The following TLE4 variants were observed in gnomAD, a reference collection of about 807,000 sequenced individuals.
The protein encoded by TLE4 is transducin-like enhancer protein 4.
A neutral mutation model predicts 92.8 loss-of-function variants in TLE4; 8 were observed. The observed-to-expected ratio is 0.09, with a 90% CI of 0.05 to 0.16. TLE4 has a LOEUF of 0.16. TLE4 is among the 10% of genes least tolerant of loss of function. The pLI is 1.00. For missense variants in TLE4, 675 were observed against 997.6 expected (o/e 0.68, Z 4.36); for synonymous variants, 371 against 374.1 (o/e 0.99, Z 0.10).
At chr9:79,673,933 G>A (rs565145467) in intron 8 of TLE4, among the ~76,000 whole-genome samples, 118 of 152,148 alleles carry the variant, frequency 7.8e-4, no homozygotes, top group African/African-American at 2.5e-3. Flanking sequence ...TTGTAGGGCC[G>A]TTCTGCTTAA....
chr9:79,677,670 T>C (rs1274834103), intron 8 of TLE4, among the ~76,000 whole-genome samples: 1 of 151,630 alleles, frequency 6.6e-6, no homozygotes, highest in Admixed American at 6.6e-5. Flanking sequence ...TGAGATGGAT[T>C]CAATTTTTTT....
intron 8 of TLE4, among the ~76,000 whole-genome samples, chr9:79,685,527 T>C (rs1351305062): frequency 6.6e-6 from 1 of 152,182 alleles, no homozygotes; most frequent in Non-Finnish European, 1.5e-5. Context: ...TCTTTGAAAG[T>C]GATTGTAGTA....
chr9:79,609,624 A>T (rs945770827), intron 4 of TLE4, among the ~76,000 whole-genome samples: 2 of 152,064 alleles, frequency 1.3e-5, no homozygotes, highest in Non-Finnish European at 2.9e-5. Flanking sequence ...TCTTTTTGTT[A>T]CATTTTGACA....
At chr9:79,625,945 A>C (rs375175963) in intron 5 of TLE4, among the ~76,000 whole-genome samples, 1 of 151,174 alleles carries the variant, frequency 6.6e-6, no homozygotes, top group Admixed American at 6.6e-5. Context: ...TCCTGCTTTG[A>C]AAATGGAATG....
intron 8 of TLE4, chr9:79,668,689 A>T (rs2061787772): frequency 3.4e-6 from 1 of 295,244 alleles, no homozygotes; most frequent in African/African-American, 2.3e-5. Flanking sequence ...GATGACAGGC[A>T]TGACGTTGAG....
intron 8 of TLE4, among the ~76,000 whole-genome samples, chr9:79,693,918 T>G (rs768321329): frequency 9.8e-5 from 15 of 152,356 alleles, no homozygotes; most frequent in Middle Eastern, 3.4e-3. Flanking sequence ...ACCACTTAGC[T>G]TGATGCCAAA....
chr9:79,607,737 T>C (rs1012138162), intron 4 of TLE4, among the ~76,000 whole-genome samples: 3 of 152,054 alleles, frequency 2.0e-5, no homozygotes, highest in Non-Finnish European at 4.4e-5. Context: ...TTGGTCTATA[T>C]CTCTGTTTTG....
intron 8 of TLE4, chr9:79,671,164 A>T (rs1041074242): frequency 4.6e-6 from 2 of 434,548 alleles, no homozygotes; most frequent in African/African-American, 4.0e-5. Flanking sequence ...GTGTTTAGGG[A>T]TAGTTCAACC....
Position 79,705,872 on chromosome 9 carries a change from C to A in TLE4, c.730-17C>A. On this transcript the variant is annotated splice_polypyrimidine_tract_variant and intron_variant, in intron 9 of 19. Transcript: ENST00000376552. Reference sequence around the variant, plus strand: ...TTTGTGAGGGGAGAAGATAATGCTTCTCACTTGTCAATGCAGGACAGCGAT... The same window carrying A: ...TTTGTGAGGGGAGAAGATAATGCTTATCACTTGTCAATGCAGGACAGCGAT... The A allele has an allele frequency of 6.2e-7, 1 of 1,613,948 alleles. No individual in the cohort carries two copies. Among genetic ancestry groups the A allele is most frequent in the Non-Finnish European group, 8.5e-7 (1 of 1,179,858 alleles).
intron 4 of TLE4, among the ~76,000 whole-genome samples, chr9:79,609,647 C>G (rs2047917710): frequency 6.6e-6 from 1 of 151,912 alleles, no homozygotes; most frequent in South Asian, 2.1e-4. Context: ...AACAATTGTC[C>G]TTTTATTGGG....
chr9:79,649,989 C>T, intron 6 of TLE4: 1 of 776,354 alleles, frequency 1.3e-6, no homozygotes. Flanking sequence ...AATCATGGCT[C>T]ACTGCAGCCA....
At chr9:79,616,189 G>C (rs552119727) in intron 5 of TLE4, among the ~76,000 whole-genome samples, 2 of 152,256 alleles carry the variant, frequency 1.3e-5, no homozygotes, top group South Asian at 2.1e-4. Context: ...ATAAACAAGA[G>C]ATGCCAGGAT....
intron 8 of TLE4, among the ~76,000 whole-genome samples, chr9:79,688,252 A>C (rs2066309165): frequency 6.6e-6 from 1 of 152,046 alleles, no homozygotes; most frequent in African/African-American, 2.4e-5. Context: ...AAGACTGAAA[A>C]CCCACTATCT....
At chr9:79,633,544 G>T (rs1214860244) in intron 6 of TLE4, among the ~76,000 whole-genome samples, 1 of 152,102 alleles carries the variant, frequency 6.6e-6, no homozygotes, top group Non-Finnish European at 1.5e-5. Context: ...CCACTGAGAA[G>T]AAAGTAGTTC....
chr9:79,654,050 T>G lies in TLE4; in HGVS notation c.593-9T>G, dbSNP rs1302111005. ...TTATCTGCTTGTGTTGCTGCTGTTTTGCATATAGACAGAGACTCCATCAAG... is the reference window on the plus strand; with the variant it reads ...TTATCTGCTTGTGTTGCTGCTGTTTGGCATATAGACAGAGACTCCATCAAG... On this transcript the variant is annotated splice_polypyrimidine_tract_variant and intron_variant, in intron 7 of 19. Transcript: ENST00000376552. The G allele has an allele frequency of 2.5e-6, 4 of 1,613,820 alleles. No homozygotes were observed. The highest frequency in any genetic ancestry group is 3.4e-6 in the Non-Finnish European group (4 of 1,179,828).
chr9:79,600,351 T>C (rs1430577570), intron 4 of TLE4, among the ~76,000 whole-genome samples: 1 of 152,118 alleles, frequency 6.6e-6, no homozygotes. Context: ...TTTCAGTTTG[T>C]GGTTGGGGAC....
At chr9:79,639,375 A>G (rs559604153) in intron 6 of TLE4, among the ~76,000 whole-genome samples, 1 of 152,324 alleles carries the variant, frequency 6.6e-6, no homozygotes, top group East Asian at 1.9e-4. Context: ...CATATATGAC[A>G]ATGGTCCCAT....
At chr9:79,708,003 C>T (rs1318648138) in intron 11 of TLE4, 115 bp from the exon 12 acceptor site, 1 of 1,111,010 alleles carries the variant, frequency 9.0e-7, no homozygotes, top group Admixed American at 2.4e-5. Flanking sequence ...AAGGCCCAAG[C>T]TGAAGAACCT....
At chr9:79,679,571 G>A (rs1322410523) in intron 8 of TLE4, among the ~76,000 whole-genome samples, 1 of 152,128 alleles carries the variant, frequency 6.6e-6, no homozygotes, top group Admixed American at 6.5e-5. Flanking sequence ...TAGGTTGCCT[G>A]TTCACTCTGA....
Sources: allele counts gnomAD v4.1 joint callset (sites outside exome capture counted in the v4.1 genomes callset), GRCh38; gene constraint gnomAD v4.1.1; transcripts MANE v1.5; gene names NCBI Gene and HGNC (gene_info 2026-07-23, HGNC 2026-07-21).